The following FANCB variants were observed in gnomAD, a reference collection of about 807,000 sequenced individuals.
The protein encoded by FANCB is Fanconi anemia group B protein.
FANCB carries 5 observed loss-of-function variants against 38.9 expected under a neutral mutation model. That is an observed-to-expected ratio of 0.13 (90% CI 0.07 to 0.27). The LOEUF (loss-of-function observed/expected upper bound fraction) is 0.27. Ranked by LOEUF, FANCB falls within the 10% of genes least tolerant of loss-of-function variation. The pLI is 1.00. For synonymous variants in FANCB, 236 were observed against 215.4 expected, an observed-to-expected ratio of 1.10 and a Z score of -0.84; for missense variants, 573 against 602.7, an observed-to-expected ratio of 0.95 and a Z score of 0.52.
At chrX:14,700,931 C>G in the FANCB span, among the ~76,000 whole-genome samples, 21 of 109,341 alleles carry the variant, frequency 1.9e-4, no homozygotes, top group Admixed American at 2.0e-4. Flanking sequence ...TTAGGTGGAG[C>G]CACTAGCCAT....
Position 14,857,925 on chromosome X carries a change from G to C in FANCB, c.1134C>G (p.Asp378Glu), listed in dbSNP as rs902534750. The C allele has an allele frequency of 8.5e-7, 1 of 1,177,032 alleles. No individual in the cohort carries two copies. The highest frequency in any genetic ancestry group is 1.2e-6 in the Non-Finnish European group (1 of 864,692). ...GATTCTCTTGTTTGTCTTCAAATAA[G>C]TCATCTTCATTGCAATCTGATGGTT... The part of the protein sequence containing the change: ...SSEPSDCNED[D>E]LFEDKQENRY... The change falls in exon 5 of 10, where the codon GAC becomes GAG. Residue 378 changes from aspartate to glutamate, a missense_variant. By Grantham distance (45) the Asp-to-Glu change is conservative (BLOSUM62 2). Coordinates refer to ENST00000650831, the MANE Select transcript of FANCB (RefSeq NM_001018113.3).
the FANCB span, among the ~76,000 whole-genome samples, chrX:14,719,193 ATAAT>A: frequency 3.6e-3 from 399 of 111,964 alleles, 2 homozygotes; most frequent in African/African-American, 0.013. Flanking sequence ...GTAAGGGGAA[ATAAT>A]TAATGACCTA....
chrX:14,799,320 G>T, the FANCB span, among the ~76,000 whole-genome samples: 1 of 111,795 alleles, frequency 8.9e-6, no homozygotes, highest in Non-Finnish European at 1.9e-5. Context: ...TTCTCGCAAA[G>T]TTGTCAAGGG....
the FANCB span, among the ~76,000 whole-genome samples, chrX:14,772,493 G>A: frequency 8.9e-6 from 1 of 112,215 alleles, no homozygotes; most frequent in Admixed American, 9.4e-5. Flanking sequence ...GAGTTGCATA[G>A]GTGGCAGCTG....
the FANCB span, among the ~76,000 whole-genome samples, chrX:14,819,943 C>G: frequency 5.4e-5 from 6 of 111,664 alleles, no homozygotes; most frequent in Non-Finnish European, 1.1e-4. Flanking sequence ...TCTCCAAACA[C>G]AAATCAGATC....
At chrX:14,719,275 T>C in the FANCB span, among the ~76,000 whole-genome samples, 26 of 112,127 alleles carry the variant, frequency 2.3e-4, no homozygotes, top group African/African-American at 7.8e-4. Context: ...ACCTGAAGAA[T>C]AGGAGAAGAC....
the FANCB span, among the ~76,000 whole-genome samples, chrX:14,737,168 G>C: frequency 9.0e-6 from 1 of 111,029 alleles, no homozygotes; most frequent in Non-Finnish European, 1.9e-5. Context: ...ACAAAAAAAA[G>C]CCAAGAGCAC....
chrX:14,871,684 A>G (rs1391244809), intron 1 of FANCB, among the ~76,000 whole-genome samples: 1 of 111,232 alleles, frequency 9.0e-6, no homozygotes, highest in Non-Finnish European at 1.9e-5. Context: ...AATAAAATGA[A>G]TTAAAAATTA....
chrX:14,781,837 A>T, the FANCB span, among the ~76,000 whole-genome samples: 1 of 112,303 alleles, frequency 8.9e-6, no homozygotes, highest in Non-Finnish European at 1.9e-5. Flanking sequence ...GGAGATTAAT[A>T]TTCTAAAAGC....
the FANCB span, among the ~76,000 whole-genome samples, chrX:14,761,897 C>T: frequency 9.0e-6 from 1 of 111,368 alleles, no homozygotes; most frequent in Non-Finnish European, 1.9e-5. Context: ...AAAATACTGC[C>T]TTCTCAATGT....
chrX:14,703,143 A>G, the FANCB span, among the ~76,000 whole-genome samples: 1 of 111,912 alleles, frequency 8.9e-6, no homozygotes, highest in South Asian at 3.7e-4. Flanking sequence ...AAATAATGGA[A>G]TGTGTAAAAT....
chrX:14,692,738 T>C, the FANCB span, among the ~76,000 whole-genome samples: 1 of 111,643 alleles, frequency 9.0e-6, no homozygotes, highest in Non-Finnish European at 1.9e-5. Flanking sequence ...AGATGGAAAA[T>C]GGGTTTCATT....
At chrX:14,775,411 G>T in the FANCB span, among the ~76,000 whole-genome samples, 1 of 111,663 alleles carries the variant, frequency 9.0e-6, no homozygotes, top group Non-Finnish European at 1.9e-5. Context: ...AAGGTGTTGC[G>T]AAGGCAGGCA....
chrX:14,694,717 G>C, the FANCB span, among the ~76,000 whole-genome samples: 1 of 112,473 alleles, frequency 8.9e-6, no homozygotes. Context: ...TATGTGCCAG[G>C]CACTGTGTAA....
chrX:14,808,277 C>G, the FANCB span, among the ~76,000 whole-genome samples: 1 of 111,202 alleles, frequency 9.0e-6, no homozygotes, highest in Admixed American at 9.5e-5. Flanking sequence ...AACTGCAGGC[C>G]AATATTGTTA....
chrX:14,867,392 C>G (rs769145818), intron 2 of FANCB, among the ~76,000 whole-genome samples: 1 of 111,320 alleles, frequency 9.0e-6, no homozygotes, highest in East Asian at 2.8e-4. Context: ...GACACATGGA[C>G]AAATGGAACA....
chrX:14,725,832 A>T, the FANCB span, among the ~76,000 whole-genome samples: 2 of 112,458 alleles, frequency 1.8e-5, no homozygotes, highest in East Asian at 5.6e-4. Flanking sequence ...GCACAGTGCC[A>T]TGGCAGTGCT....
intron 5 of FANCB, among the ~76,000 whole-genome samples, chrX:14,856,918 T>A (rs1347854243): frequency 8.9e-6 from 1 of 112,244 alleles, no homozygotes; most frequent in Non-Finnish European, 1.9e-5. Context: ...TATATTTGAA[T>A]ATGGACAAGA....
At chrX:14,801,197 T>C in the FANCB span, among the ~76,000 whole-genome samples, 3 of 112,189 alleles carry the variant, frequency 2.7e-5, no homozygotes, top group Non-Finnish European at 5.6e-5. Flanking sequence ...GGTTCCAGTC[T>C]CTGAGTTCAT....
Sources: allele counts gnomAD v4.1 joint callset (sites outside exome capture counted in the v4.1 genomes callset), GRCh38; gene constraint gnomAD v4.1.1; transcripts MANE v1.5; gene names NCBI Gene and HGNC (gene_info 2026-07-23, HGNC 2026-07-21).